Variants in PTH2R observed in about 807,000 individuals in gnomAD.
The protein encoded by PTH2R is parathyroid hormone 2 receptor, also known as PTH2 receptor.
Under a neutral mutation model 60.3 loss-of-function variants are expected in PTH2R, and 59 were observed. The observed-to-expected ratio is 0.98, with a 90% CI of 0.79 to 1.22. PTH2R has a LOEUF of 1.22. Ranked by LOEUF, PTH2R falls within the 50% of genes most tolerant of loss-of-function variation. PTH2R has a pLI of 0.00. For synonymous variants in PTH2R, 256 were observed against 243.8 expected (o/e 1.05, Z -0.47); for missense variants, 749 against 682.6 (o/e 1.10, Z -1.08).
intron 5 of PTH2R, 51 bp from the exon 6 acceptor site, chr2:208,443,297 C>A: frequency 6.9e-7 from 1 of 1,453,276 alleles, no homozygotes; most frequent in Non-Finnish European, 9.2e-7. Flanking sequence ...TGGGTGTTTC[C>A]CCCATTTTTA....
chr2:208,489,818 T>G (rs567071300), intron 11 of PTH2R, among the ~76,000 whole-genome samples: 9 of 152,344 alleles, frequency 5.9e-5, no homozygotes, highest in African/African-American at 2.2e-4. Flanking sequence ...CCAGCCTCCA[T>G]GTAGCTCATT....
rs368402689 is a variant in PTH2R, at chr2:208,494,049, CTCTTA to C, written c.*392_*396del. The stretch of plus-strand genomic sequence containing the variant: ...CATTTTCCTTTTAGAAACTAGTATT[CTCTTA>C]TTTCTTACTTTAATGTACTTCTATC... On this transcript the variant is annotated 3_prime_UTR_variant, in exon 13 of 13. Transcript: ENST00000272847. The C allele has an allele frequency of 8.8e-4, 139 of 157,716 alleles. No homozygotes were observed. The highest frequency in any genetic ancestry group is 3.3e-3 in the African/African-American group (137 of 41,780). 9.8% of individuals were successfully genotyped at this position (157,716 alleles called of 1,614,324 possible). A position where few individuals can be genotyped will look rare whatever the true frequency, so the allele number is the denominator to read the frequency against.
At chr2:208,418,511 A>G (rs1049763931) in intron 1 of PTH2R, among the ~76,000 whole-genome samples, 1 of 152,156 alleles carries the variant, frequency 6.6e-6, no homozygotes, top group South Asian at 2.1e-4. Context: ...TACAGAAAAA[A>G]AGTGATAAAG....
At chr2:208,378,077 G>A (rs1454052101) in intron 1 of PTH2R, among the ~76,000 whole-genome samples, 2 of 152,098 alleles carry the variant, frequency 1.3e-5, no homozygotes, top group South Asian at 2.1e-4. Flanking sequence ...CTCCAGCCTG[G>A]GCAACATTGA....
chr2:208,442,790 T>C (rs1702212794), intron 5 of PTH2R, among the ~76,000 whole-genome samples: 1 of 152,176 alleles, frequency 6.6e-6, no homozygotes, highest in Non-Finnish European at 1.5e-5. Context: ...TTAAATAATC[T>C]CCCAAATTAT....
chr2:208,437,940 A>C, intron 4 of PTH2R, 59 bp downstream of exon 4: 1 of 1,568,810 alleles, frequency 6.4e-7, no homozygotes, highest in Non-Finnish European at 8.7e-7. Context: ...ATTTTAATGC[A>C]ATTCTCAATT....
At chr2:208,459,350 A>G (rs1165376692) in intron 8 of PTH2R, among the ~76,000 whole-genome samples, 2 of 152,202 alleles carry the variant, frequency 1.3e-5, no homozygotes, top group African/African-American at 4.8e-5. Flanking sequence ...CAGGATACTA[A>G]TCAATTACAT....
chr2:208,431,090 T>C (rs1701962608), intron 2 of PTH2R, among the ~76,000 whole-genome samples: 1 of 152,344 alleles, frequency 6.6e-6, no homozygotes, highest in Middle Eastern at 3.4e-3. Context: ...CTACTCTTTG[T>C]GTGTCGATGT....
intron 9 of PTH2R, among the ~76,000 whole-genome samples, chr2:208,475,989 G>A (rs994636247): frequency 7.2e-5 from 11 of 152,106 alleles, no homozygotes; most frequent in Non-Finnish European, 1.2e-4. Context: ...ATTAAATACT[G>A]AGCTAAATTT....
intron 10 of PTH2R, among the ~76,000 whole-genome samples, chr2:208,487,320 C>T (rs1703295243): frequency 6.6e-6 from 1 of 152,102 alleles, no homozygotes; most frequent in Admixed American, 6.5e-5. Context: ...GATCTGTACT[C>T]ACTCATACAG....
chr2:208,457,310 A>G (rs1182290314), intron 8 of PTH2R, among the ~76,000 whole-genome samples: 1 of 152,242 alleles, frequency 6.6e-6, no homozygotes, highest in Non-Finnish European at 1.5e-5. Context: ...CATGTAAACA[A>G]TGCCAGAAAA....
At chr2:208,482,072 C>T (rs1416252183) in intron 10 of PTH2R, among the ~76,000 whole-genome samples, 1 of 152,176 alleles carries the variant, frequency 6.6e-6, no homozygotes, top group Non-Finnish European at 1.5e-5. Flanking sequence ...TTATAATCTC[C>T]AGTTAACTAT....
Position 208,361,519 on chromosome 2 carries a change from T to G in PTH2R, c.-259+1282T>G, listed in dbSNP as rs564324784. On this transcript the variant is annotated intron_variant, in intron 1 of 12. Transcript: ENST00000617735. Reference sequence around the variant, plus strand: ...TTTTTAATTATGAAATCCGGTAGTGTTAAGTATAATTGTGTTGTTGTGAAA... The same window carrying G: ...TTTTTAATTATGAAATCCGGTAGTGGTAAGTATAATTGTGTTGTTGTGAAA... The G allele has an allele frequency of 2.6e-5, 4 of 152,338 alleles. No homozygotes were observed. The South Asian group carries it at 8.3e-4, about 32-fold the overall frequency. 9.4% of individuals were successfully genotyped at this position (152,338 alleles called of 1,614,324 possible).
At chr2:208,461,022 T>C (rs1702623030) in intron 9 of PTH2R, among the ~76,000 whole-genome samples, 2 of 152,034 alleles carry the variant, frequency 1.3e-5, no homozygotes, top group African/African-American at 2.4e-5. Context: ...ATAGGAAAAA[T>C]GCATAAAGAA....
chr2:208,458,655 A>G (rs1702564513), intron 8 of PTH2R, among the ~76,000 whole-genome samples: 1 of 151,936 alleles, frequency 6.6e-6, no homozygotes. Flanking sequence ...TGTCTTCACA[A>G]ATTCTTATCA....
chr2:208,459,955 T>C lies in PTH2R; in HGVS notation c.975T>C (p.Ala325=). ...TTTATCAAGCACCGATCTTAGCAGC[T>C]ATTGGGGTAAGTTTAAAAGTTTGTA... ...KWIYQAPILA[A]IGLNFILFLN... is the part of the protein sequence containing the mutation. Residue 325 remains alanine (A), a synonymous_variant, in exon 9 of 13, where the codon GCT becomes GCC. Transcript: ENST00000272847. 6.2e-7 allele frequency: 1 copy of C among 1,613,002 alleles called. No homozygotes were observed. The highest frequency in any genetic ancestry group is 1.7e-4 in the Middle Eastern group (1 of 6,056).
chr2:208,487,243 A>C (rs1703293520), intron 10 of PTH2R, among the ~76,000 whole-genome samples: 1 of 152,138 alleles, frequency 6.6e-6, no homozygotes, highest in Non-Finnish European at 1.5e-5. Context: ...ACTAAATCAC[A>C]CTCACACAGG....
At chr2:208,434,889 A>T (rs1339897722) in intron 2 of PTH2R, among the ~76,000 whole-genome samples, 1 of 152,220 alleles carries the variant, frequency 6.6e-6, no homozygotes, top group Non-Finnish European at 1.5e-5. Flanking sequence ...AGGCAGGTGG[A>T]GCTGTGCACC....
At chr2:208,406,207 C>T (rs1176075716), upstream of PTH2R, among the ~76,000 whole-genome samples, 1 of 151,326 alleles carries the variant, frequency 6.6e-6, no homozygotes, top group East Asian at 1.9e-4. Flanking sequence ...ATACAATTGG[C>T]CAATGAATGT....
Sources: allele counts gnomAD v4.1 joint callset (sites outside exome capture counted in the v4.1 genomes callset), GRCh38; gene constraint gnomAD v4.1.1; transcripts MANE v1.5; gene names NCBI Gene and HGNC (gene_info 2026-07-23, HGNC 2026-07-21).